Variants in GPC6 observed in about 807,000 individuals in gnomAD.
GPC6 encodes the protein glypican-6.
Under a neutral mutation model 55.2 loss-of-function variants are expected in GPC6, and 14 were observed. The observed-to-expected ratio is 0.25, with a 90% CI of 0.17 to 0.40. The LOEUF is 0.40. Among genes scored for constraint, GPC6 ranks in the 10% least tolerant of loss-of-function variants. The pLI is 1.00. For synonymous variants in GPC6, 278 were observed against 259.6 expected, an observed-to-expected ratio of 1.07 and a Z score of -0.68; for missense variants, 641 against 708.5, an observed-to-expected ratio of 0.90 and a Z score of 1.08.
At chr13:93,673,553 A>C (rs1881460790) in intron 2 of GPC6, among the ~76,000 whole-genome samples, 1 of 152,062 alleles carries the variant, frequency 6.6e-6, no homozygotes, top group African/African-American at 2.4e-5. Flanking sequence ...GGGATTATAT[A>C]ACGTTGCCTT....
At chr13:93,691,317 C>A (rs1882246882) in intron 2 of GPC6, among the ~76,000 whole-genome samples, 1 of 151,934 alleles carries the variant, frequency 6.6e-6, no homozygotes, top group South Asian at 2.1e-4. Flanking sequence ...GTGCATCAAC[C>A]TTTGGGCAGT....
chr13:94,286,560 T>G (rs1594132952), intron 5 of GPC6, 81 bp downstream of exon 5: 2 of 1,217,932 alleles, frequency 1.6e-6, no homozygotes, highest in Admixed American at 3.5e-5. Flanking sequence ...ACTAGATATG[T>G]CGGCTGGGCT....
chr13:94,118,996 ATGTGTGTGTGTGTGTG>A (rs4001790), intron 4 of GPC6, among the ~76,000 whole-genome samples: 1 of 150,528 alleles, frequency 6.6e-6, no homozygotes, highest in Non-Finnish European at 1.5e-5. Flanking sequence ...TACATTATGT[ATGTGTGTGTGTGTGTG>A]TGTGTGTGTG....
intron 1 of GPC6, among the ~76,000 whole-genome samples, chr13:93,289,943 C>G (rs1226917861): frequency 2.6e-5 from 4 of 152,138 alleles, no homozygotes; most frequent in Non-Finnish European, 5.9e-5. Flanking sequence ...CACATGGACT[C>G]ACAGAGTAAA....
chr13:94,256,439 C>T (rs1349137901), intron 4 of GPC6, among the ~76,000 whole-genome samples: 2 of 152,116 alleles, frequency 1.3e-5, no homozygotes, highest in Non-Finnish European at 1.5e-5. Flanking sequence ...TAGAAAGAAG[C>T]ATCTTGCTAC....
chr13:94,160,983 G>C (rs1888144224), intron 4 of GPC6, among the ~76,000 whole-genome samples: 1 of 152,140 alleles, frequency 6.6e-6, no homozygotes, highest in Non-Finnish European at 1.5e-5. Flanking sequence ...CTGCCAGAAA[G>C]AATTGATTAA....
chr13:93,944,170 TTTTATTTATTTATTTATTTATTTA>T (rs140286554), intron 3 of GPC6, among the ~76,000 whole-genome samples: 11 of 144,984 alleles, frequency 7.6e-5, no homozygotes, highest in East Asian at 4.0e-4. Flanking sequence ...CTTCCTTTTA[TTTTATTTATTTATTTATTTATTTA>T]TTTATTTATT....
At chr13:93,594,813 A>T (rs1877652708) in intron 2 of GPC6, among the ~76,000 whole-genome samples, 1 of 151,320 alleles carries the variant, frequency 6.6e-6, no homozygotes, top group Non-Finnish European at 1.5e-5. Context: ...CTATAGCCTC[A>T]CAAGTTGGAA....
intron 1 of GPC6, among the ~76,000 whole-genome samples, chr13:93,470,574 A>G (rs1272665498): frequency 3.9e-5 from 6 of 152,058 alleles, no homozygotes; most frequent in African/African-American, 1.2e-4. Context: ...ATTAGAATAT[A>G]GTTTACTTTT....
intron 2 of GPC6, among the ~76,000 whole-genome samples, chr13:93,546,125 T>C (rs1386677704): frequency 6.6e-6 from 1 of 152,222 alleles, no homozygotes; most frequent in African/African-American, 2.4e-5. Context: ...ATAAATTTAG[T>C]ATTTTTAGAA....
intron 2 of GPC6, among the ~76,000 whole-genome samples, chr13:93,654,204 G>A (rs1880553079): frequency 6.6e-6 from 1 of 152,068 alleles, no homozygotes; most frequent in Non-Finnish European, 1.5e-5. Flanking sequence ...CTGATGTTCT[G>A]ATCCACCAAG....
At chr13:93,974,142 G>C (rs778813178) in intron 3 of GPC6, among the ~76,000 whole-genome samples, 2 of 152,182 alleles carry the variant, frequency 1.3e-5, no homozygotes. Flanking sequence ...CTTTTGGCAG[G>C]TTCCCCTGCC....
At chr13:93,748,442 T>A (rs892655672) in intron 2 of GPC6, among the ~76,000 whole-genome samples, 12 of 152,118 alleles carry the variant, frequency 7.9e-5, no homozygotes, top group African/African-American at 2.9e-4. Flanking sequence ...TTTTCTTCTA[T>A]CTTTAAGTAA....
At chr13:94,299,821 TA>T (rs1161071791) in intron 5 of GPC6, among the ~76,000 whole-genome samples, 49 of 152,308 alleles carry the variant, frequency 3.2e-4, no homozygotes, top group African/African-American at 1.2e-3. Context: ...CTTGTGAAAA[TA>T]ATGGCTGCAC....
chr13:94,340,763 T>C (rs1428685960), intron 6 of GPC6, among the ~76,000 whole-genome samples: 1 of 150,650 alleles, frequency 6.6e-6, no homozygotes, highest in East Asian at 1.9e-4. Flanking sequence ...CAAAGAACAC[T>C]CGTTTCTTTT....
intron 2 of GPC6, among the ~76,000 whole-genome samples, chr13:93,678,603 C>T (rs966401312): frequency 6.6e-6 from 1 of 152,170 alleles, no homozygotes; most frequent in Non-Finnish European, 1.5e-5. Context: ...CCACTCCCTG[C>T]AGTCAGAGTT....
chr13:93,478,260 C>T (rs1879375337), intron 1 of GPC6, among the ~76,000 whole-genome samples: 1 of 152,134 alleles, frequency 6.6e-6, no homozygotes, highest in Non-Finnish European at 1.5e-5. Context: ...GCCCAGGTCT[C>T]ACAGCCATTT....
chr13:93,730,836 C>T (rs1883796694), intron 2 of GPC6, among the ~76,000 whole-genome samples: 2 of 152,066 alleles, frequency 1.3e-5, no homozygotes, highest in African/African-American at 4.8e-5. Flanking sequence ...TAACTGCGGC[C>T]TTTCTTGAAG....
chr13:93,523,960 G>A (rs8002079), intron 1 of GPC6, among the ~76,000 whole-genome samples: 1 of 151,914 alleles, frequency 6.6e-6, no homozygotes, highest in African/African-American at 2.4e-5. Flanking sequence ...GAAAAACAGG[G>A]TGGGAACTCA....
Sources: gnomAD v4.1 joint callset for allele counts (sites outside exome capture counted in the v4.1 genomes callset) on GRCh38, gnomAD v4.1.1 for gene constraint, MANE v1.5 for transcripts, NCBI Gene and HGNC (gene_info 2026-07-23, HGNC 2026-07-21) for gene names.